Variants in TMOD1 observed in about 807,000 individuals in gnomAD.
TMOD1 encodes the protein tropomodulin-1.
A neutral mutation model predicts 40.6 loss-of-function variants in TMOD1; 17 were observed. That is an observed-to-expected ratio of 0.42 (90% CI 0.29 to 0.63). TMOD1 has a LOEUF of 0.63. Ranked by LOEUF, TMOD1 falls within the 20% of genes least tolerant of loss-of-function variation. TMOD1 has a pLI of 0.22. For synonymous variants in TMOD1, 181 were observed against 175.0 expected (o/e 1.03, Z -0.27); for missense variants, 391 against 447.6 (o/e 0.87, Z 1.14).
At chr9:97,577,862 G>T (rs1020953805) in intron 8 of TMOD1, among the ~76,000 whole-genome samples, 2 of 152,194 alleles carry the variant, frequency 1.3e-5, no homozygotes, top group Non-Finnish European at 2.9e-5. Flanking sequence ...AGGAAAAAAT[G>T]AATTAGCTTT....
Position 97,531,044 on chromosome 9 carries a change from C to CG in TMOD1, c.120+6736_120+6737insG, listed in dbSNP as rs1358713938. On this transcript the variant is annotated intron_variant, in intron 2 of 9. Transcript: ENST00000259365. The stretch of plus-strand genomic sequence containing the variant: ...CTTAGGTGATCCACACCCACCCCCC[C>CG]CACCACCCCTTGGCCTCCCAAAGTG... Among the ~76,000 whole-genome samples, 111 of 138,056 alleles carry CG rather than the reference C, an allele frequency of 8.0e-4. 5 individuals carry two copies. Among genetic ancestry groups the CG allele is most frequent in the African/African-American group, 2.9e-3 (106 of 37,180 alleles). 90.6% of individuals were successfully genotyped at this position (138,056 alleles called of 152,430 possible).
intron 3 of TMOD1, among the ~76,000 whole-genome samples, chr9:97,550,024 G>T (rs1830424313): frequency 6.6e-6 from 1 of 152,074 alleles, no homozygotes; most frequent in Non-Finnish European, 1.5e-5. Flanking sequence ...ATAAAACCCT[G>T]TACCTATTAC....
chr9:97,577,381 C>T (rs546618045), intron 8 of TMOD1, among the ~76,000 whole-genome samples: 6 of 152,300 alleles, frequency 3.9e-5, no homozygotes, highest in Non-Finnish European at 5.9e-5. Context: ...GAAACCAGCA[C>T]AGACTCTAGA....
At chr9:97,591,503 C>G in intron 9 of TMOD1, 68 bp downstream of exon 9, 1 of 1,551,890 alleles carries the variant, frequency 6.4e-7, no homozygotes, top group Non-Finnish European at 8.7e-7. Context: ...CTGGGGATGT[C>G]AGGGAAAATT....
chr9:97,590,294 G>T (rs1564000578), intron 8 of TMOD1, among the ~76,000 whole-genome samples: 1 of 151,834 alleles, frequency 6.6e-6, no homozygotes, highest in East Asian at 1.9e-4. Context: ...CACAATTTCG[G>T]CTCGCTGCAA....
At chr9:97,507,009 C>T (rs2149981) in intron 1 of TMOD1, among the ~76,000 whole-genome samples, 25,001 of 152,182 alleles carry the variant, frequency 0.16, 2,134 homozygotes, top group African/African-American at 0.18. Context: ...GTGGTGTTGA[C>T]TAGTATCTAC....
chr9:97,565,795 C>T, intron 6 of TMOD1, 53 bp from the exon 7 acceptor site: 2 of 1,456,090 alleles, frequency 1.4e-6, no homozygotes, highest in Non-Finnish European at 1.9e-6. Flanking sequence ...CCTGCCTCAG[C>T]CTGTCCCAGA....
intron 4 of TMOD1, among the ~76,000 whole-genome samples, chr9:97,559,871 T>G (rs1830611416): frequency 7.3e-6 from 1 of 136,746 alleles, no homozygotes; most frequent in African/African-American, 2.8e-5. Context: ...TCTGATTGGT[T>G]GGTCCAGGAT....
chr9:97,550,992 T>TATATATATATATATA (rs1830441669), intron 3 of TMOD1, among the ~76,000 whole-genome samples: 1 of 96,382 alleles, frequency 1.0e-5, no homozygotes, highest in African/African-American at 4.8e-5. Flanking sequence ...TCTAAGAATT[T>TATATATATATATATA]TATATATATA....
At chr9:97,519,294 A>G (rs1829878764) in intron 1 of TMOD1, among the ~76,000 whole-genome samples, 1 of 152,164 alleles carries the variant, frequency 6.6e-6, no homozygotes. Flanking sequence ...GCCGAGTGCT[A>G]CTTCCTGGCA....
At chr9:97,587,427 A>G (rs1273080383) in intron 8 of TMOD1, among the ~76,000 whole-genome samples, 1 of 152,168 alleles carries the variant, frequency 6.6e-6, no homozygotes, top group Non-Finnish European at 1.5e-5. Context: ...ATAGGTATGT[A>G]GTGATATCTC....
chr9:97,563,740 T>A (rs1023818706), intron 5 of TMOD1, among the ~76,000 whole-genome samples: 1 of 152,234 alleles, frequency 6.6e-6, no homozygotes, highest in Non-Finnish European at 1.5e-5. Context: ...ACTGAGGTCA[T>A]GAGCCCCGGG....
chr9:97,549,766 C>T (rs902125419), intron 3 of TMOD1, among the ~76,000 whole-genome samples: 5 of 152,002 alleles, frequency 3.3e-5, no homozygotes, highest in African/African-American at 4.8e-5. Flanking sequence ...ATGCGCTTCC[C>T]ACTCCCTCTC....
intron 4 of TMOD1, among the ~76,000 whole-genome samples, chr9:97,560,002 G>A (rs1830613483): frequency 6.6e-6 from 1 of 151,074 alleles, no homozygotes; most frequent in Non-Finnish European, 1.5e-5. Flanking sequence ...CCTAGACAGG[G>A]GAGGAGAACT....
At chr9:97,552,680 T>C (rs1300776605) in intron 3 of TMOD1, among the ~76,000 whole-genome samples, 2 of 152,244 alleles carry the variant, frequency 1.3e-5, no homozygotes, top group Non-Finnish European at 2.9e-5. Flanking sequence ...TCTTAGTAAG[T>C]AGCAATTGCC....
intron 4 of TMOD1, among the ~76,000 whole-genome samples, chr9:97,558,355 GT>G (rs1445504270): frequency 6.6e-6 from 1 of 152,146 alleles, no homozygotes; most frequent in Non-Finnish European, 1.5e-5. Context: ...TTGCTGTATG[GT>G]TTTGGCGAAC....
intron 8 of TMOD1, among the ~76,000 whole-genome samples, chr9:97,590,569 G>A (rs966724691): frequency 6.6e-6 from 1 of 151,620 alleles, no homozygotes; most frequent in Admixed American, 6.6e-5. Context: ...TTATAACTGA[G>A]ACTGTGATGA....
chr9:97,531,673 G>A (rs1341566647), intron 2 of TMOD1, among the ~76,000 whole-genome samples: 3 of 152,116 alleles, frequency 2.0e-5, no homozygotes, highest in Admixed American at 2.0e-4. Flanking sequence ...AAACAGAATT[G>A]GAGAATCCCA....
At chr9:97,523,060 GT>G (rs1327373456) in intron 1 of TMOD1, among the ~76,000 whole-genome samples, 1 of 151,994 alleles carries the variant, frequency 6.6e-6, no homozygotes, top group East Asian at 1.9e-4. Flanking sequence ...CCATCCCTTA[GT>G]TTTTTCACTA....
Sources: gnomAD v4.1 joint callset for allele counts (sites outside exome capture counted in the v4.1 genomes callset) on GRCh38, gnomAD v4.1.1 for gene constraint, MANE v1.5 for transcripts, NCBI Gene and HGNC (gene_info 2026-07-23, HGNC 2026-07-21) for gene names.